The following KIAA0586 variants were observed in gnomAD, a reference collection of about 807,000 sequenced individuals.
KIAA0586 encodes KIAA0586, also known as protein TALPID3.
A neutral mutation model predicts 169.8 loss-of-function variants in KIAA0586; 144 were observed. The ratio of observed to expected loss-of-function variants is 0.85; its 90% CI spans 0.74 to 0.97. The LOEUF (loss-of-function observed/expected upper bound fraction) is 0.97, where lower values mean the gene tolerates loss of function less well. KIAA0586 is among the 50% of genes least tolerant of loss of function. The pLI is 0.00. For missense variants in KIAA0586, 1,854 were observed against 1,823.0 expected (o/e 1.02, Z -0.31); for synonymous variants, 625 against 612.4 (o/e 1.02, Z -0.30).
chr14:58,541,084 A>G (rs1373040485), intron 30 of KIAA0586, among the ~76,000 whole-genome samples: 1 of 152,242 alleles, frequency 6.6e-6, no homozygotes, highest in East Asian at 1.9e-4. Flanking sequence ...ACAGCTGGGA[A>G]GCAACTGCAT....
upstream of KIAA0586, chr14:58,427,649 G>C (rs2140365548): frequency 2.0e-6 from 3 of 1,535,670 alleles, no homozygotes; most frequent in Non-Finnish European, 2.6e-6. Context: ...TGAGTTTCTT[G>C]GCGCGCATGC....
chr14:58,519,712 A>G (rs2045051789), intron 29 of KIAA0586, among the ~76,000 whole-genome samples: 1 of 152,288 alleles, frequency 6.6e-6, no homozygotes, highest in East Asian at 1.9e-4. Context: ...TTTTTAAGAT[A>G]TGTTATCTGT....
chr14:58,519,339 A>G (rs1000216660), intron 29 of KIAA0586, among the ~76,000 whole-genome samples: 2 of 152,312 alleles, frequency 1.3e-5, no homozygotes, highest in Admixed American at 6.5e-5. Flanking sequence ...TCCTGGGCTC[A>G]GGAAGTCTTC....
At chr14:58,460,395 G>T (rs981243475) in intron 13 of KIAA0586, among the ~76,000 whole-genome samples, 5 of 151,994 alleles carry the variant, frequency 3.3e-5, no homozygotes, top group African/African-American at 9.7e-5. Flanking sequence ...TTTCATTTGC[G>T]TGTGTGTATA....
intron 30 of KIAA0586, among the ~76,000 whole-genome samples, chr14:58,543,339 C>G (rs1347672790): frequency 6.6e-6 from 1 of 152,146 alleles, no homozygotes; most frequent in African/African-American, 2.4e-5. Context: ...CATTCATCCC[C>G]TAAACCCAAC....
At chr14:58,509,360 T>C (rs1344818468) in intron 28 of KIAA0586, among the ~76,000 whole-genome samples, 2 of 152,198 alleles carry the variant, frequency 1.3e-5, no homozygotes, top group Admixed American at 6.5e-5. Context: ...GTTTATTACA[T>C]TGAAATTTGT....
chr14:58,509,921 C>A (rs1264743640), intron 28 of KIAA0586, among the ~76,000 whole-genome samples: 1 of 152,102 alleles, frequency 6.6e-6, no homozygotes, highest in South Asian at 2.1e-4. Flanking sequence ...AAAATATTTA[C>A]AAATCACTTA....
intron 12 of KIAA0586, among the ~76,000 whole-genome samples, chr14:58,459,220 A>G (rs2040125565): frequency 1.3e-5 from 2 of 152,162 alleles, no homozygotes; most frequent in South Asian, 4.1e-4. Context: ...TTTCCATAGC[A>G]ATAAACACAG....
chr14:58,477,840 T>A (rs1044704751), intron 20 of KIAA0586, among the ~76,000 whole-genome samples: 1 of 151,990 alleles, frequency 6.6e-6, no homozygotes, highest in Non-Finnish European at 1.5e-5. Flanking sequence ...CTTTTCTTCC[T>A]CTTCTTTTTC....
the KIAA0586 span, among the ~76,000 whole-genome samples, chr14:58,557,733 A>G: frequency 7.9e-5 from 12 of 152,152 alleles, no homozygotes; most frequent in South Asian, 6.2e-4. Flanking sequence ...TAATGCTCCT[A>G]TTAGGCAGCT....
intron 18 of KIAA0586, among the ~76,000 whole-genome samples, chr14:58,474,393 T>C (rs1421558791): frequency 6.6e-6 from 1 of 152,230 alleles, no homozygotes; most frequent in East Asian, 1.9e-4. Flanking sequence ...TATTGGGTTC[T>C]AAAAAGACAA....
chr14:58,514,371 T>TC (rs1286752004), intron 29 of KIAA0586, among the ~76,000 whole-genome samples: 1 of 152,052 alleles, frequency 6.6e-6, no homozygotes, highest in Non-Finnish European at 1.5e-5. Context: ...TGAAGGAAAT[T>TC]CACCTTATCA....
At chr14:58,537,975 G>T (rs2046408758) in intron 29 of KIAA0586, among the ~76,000 whole-genome samples, 1 of 152,094 alleles carries the variant, frequency 6.6e-6, no homozygotes, top group African/African-American at 2.4e-5. Flanking sequence ...TACATTTAAA[G>T]ATTTTTTAAA....
chr14:58,512,525 C>G lies in KIAA0586; in HGVS notation c.4327C>G (p.Gln1443Glu). The part of the protein sequence containing the change: ...PVAAEDFSQY[Q>E]LKQNQDVKQV... ...CTTCATATCTTAAATTATTTAGTAC[C>G]AACTAAAGCAAAATCAGGATGTTAA... The change falls in exon 29 of 31, where the codon CAA (glutamine) becomes GAA (glutamate). Residue 1443 changes from glutamine (Q) to glutamate (E), a missense_variant. Transcript: ENST00000652326. 6.7e-7 allele frequency: 1 copy of G among 1,490,500 alleles called. No homozygotes were observed. Among genetic ancestry groups the G allele is most frequent in the African/African-American group, 1.5e-5 (1 of 68,262 alleles). 92.3% of individuals were successfully genotyped at this position (1,490,500 alleles called of 1,614,324 possible).
chr14:58,456,235 C>T (rs1291806910), intron 9 of KIAA0586, among the ~76,000 whole-genome samples: 3 of 152,100 alleles, frequency 2.0e-5, no homozygotes, highest in Non-Finnish European at 4.4e-5. Context: ...AAAAAAATTC[C>T]ATAAAGCTTG....
intron 30 of KIAA0586, among the ~76,000 whole-genome samples, chr14:58,540,798 G>C (rs1474822746): frequency 6.6e-6 from 1 of 152,116 alleles, no homozygotes; most frequent in Admixed American, 6.5e-5. Flanking sequence ...ACTAATTCTG[G>C]AAAGCAAAAG....
chr14:58,496,607 G>A (rs2043173498), intron 26 of KIAA0586, among the ~76,000 whole-genome samples: 1 of 152,178 alleles, frequency 6.6e-6, no homozygotes, highest in Non-Finnish European at 1.5e-5. Flanking sequence ...GGAATAAGGA[G>A]AGATAGAGAT....
intron 29 of KIAA0586, among the ~76,000 whole-genome samples, chr14:58,529,163 C>G (rs914110368): frequency 5.9e-5 from 9 of 152,010 alleles, no homozygotes; most frequent in Non-Finnish European, 1.3e-4. Context: ...AGGAAGAGGT[C>G]GAATCCCTGA....
chr14:58,428,424 C>T lies in KIAA0586; in HGVS notation c.160C>T (p.Pro54Ser), dbSNP rs1321766204. The change falls in exon 1 of 31, where the codon CCT (proline) becomes TCT (serine). Residue 54 changes from proline (P) to serine (S), a missense_variant. Coordinates refer to ENST00000652326, the MANE Select transcript of KIAA0586 (RefSeq NM_001329943.3). ...PPALSANKRL[P>S]VGTGTSLNGT... ...GGCATTGTCTGCAAATAAACGTCTT[C>T]CTGTTGGAACGGGGACTAGTTTGAA... is the stretch of plus-strand genomic sequence containing the variant. 4 of 1,613,880 alleles carry T rather than the reference C, an allele frequency of 2.5e-6. No homozygotes were observed. Among genetic ancestry groups the T allele is most frequent in the Non-Finnish European group, 3.4e-6 (4 of 1,179,820 alleles).
Sources: allele counts gnomAD v4.1 joint callset (sites outside exome capture counted in the v4.1 genomes callset), GRCh38; gene constraint gnomAD v4.1.1; transcripts MANE v1.5; gene names NCBI Gene and HGNC (gene_info 2026-07-23, HGNC 2026-07-21).